RIPK1: variants seen among roughly 807,000 people sequenced by gnomAD.
The protein encoded by RIPK1 is receptor-interacting serine/threonine-protein kinase 1.
A neutral mutation model predicts 62.4 loss-of-function variants in RIPK1; 27 were observed. The ratio of observed to expected loss-of-function variants is 0.43; its 90% CI spans 0.32 to 0.60. The LOEUF is 0.60. Among genes scored for constraint, RIPK1 ranks in the 20% least tolerant of loss-of-function variants. The probability of loss-of-function intolerance (pLI) is 0.07; values close to 1 mark genes in which losing one functional copy is unlikely to be tolerated. For synonymous variants in RIPK1, 287 were observed against 303.2 expected (o/e 0.95, Z 0.55); for missense variants, 735 against 831.0 (o/e 0.88, Z 1.42).
intron 7 of RIPK1, among the ~76,000 whole-genome samples, chr6:3,099,635 A>G (rs957803695): frequency 6.6e-6 from 1 of 152,264 alleles, no homozygotes; most frequent in Non-Finnish European, 1.5e-5. Flanking sequence ...ATACTTCAGA[A>G]AAGATATTTG....
chr6:3,094,850 C>T (rs527369349), intron 7 of RIPK1, among the ~76,000 whole-genome samples: 1 of 151,838 alleles, frequency 6.6e-6, no homozygotes, highest in African/African-American at 2.4e-5. Flanking sequence ...TCGTTTGAGG[C>T]CAGGAGTTTG....
chr6:3,069,035 G>C (rs1758547179), intron 1 of RIPK1: 1 of 152,222 alleles, frequency 6.6e-6, no homozygotes, highest in Non-Finnish European at 1.5e-5. Flanking sequence ...CTGCTTATCC[G>C]GAGTCCGCTG....
chr6:3,090,652 TG>T (rs1447182442), intron 7 of RIPK1, among the ~76,000 whole-genome samples: 1 of 152,106 alleles, frequency 6.6e-6, no homozygotes, highest in East Asian at 1.9e-4. Flanking sequence ...TCTCTTCAAT[TG>T]ATAGAACGAG....
intron 3 of RIPK1, among the ~76,000 whole-genome samples, chr6:3,078,896 T>C (rs17548336): frequency 0.012 from 1,807 of 151,922 alleles, 35 homozygotes; most frequent in African/African-American, 0.04. Context: ...ATAAGTGGTA[T>C]GGTGTGATGG....
intron 1 of RIPK1, among the ~76,000 whole-genome samples, chr6:3,073,810 T>C (rs1487732480): frequency 6.6e-6 from 1 of 152,182 alleles, no homozygotes; most frequent in Non-Finnish European, 1.5e-5. Context: ...AAGGTATTTC[T>C]TTTTTCATTT....
chr6:3,068,501 G>A lies in RIPK1; in HGVS notation c.-221G>A, dbSNP rs549396288. 19 of 985,242 alleles carry A rather than the reference G, an allele frequency of 1.9e-5. No homozygotes were observed. The South Asian group carries it at 7.5e-4, about 39-fold the overall frequency. The allele number at this position is 985,242 out of a possible 1,614,324, so 61.0% of individuals were successfully genotyped here. A position where few individuals can be genotyped will look rare whatever the true frequency, so the allele number is the denominator to read the frequency against. On this transcript the variant is annotated 5_prime_UTR_variant, in exon 1 of 11. Coordinates refer to ENST00000259808, the MANE Select transcript of RIPK1 (RefSeq NM_001354930.2). ...GGAGGAGGCAGCGCGAACAGTCCAC[G>A]CCCTCCAGCCGGGCGCGCTCGACGC... is the stretch of plus-strand genomic sequence containing the variant.
Position 3,068,521 on chromosome 6 carries a change from C to A in RIPK1, c.-201C>A. ...TCCACGCCCTCCAGCCGGGCGCGCT[C>A]GACGCGGACGGCGGGCCAGCTGCCG... is the stretch of plus-strand genomic sequence containing the variant. On this transcript the variant is annotated 5_prime_UTR_variant, in exon 1 of 11. Transcript: ENST00000259808. 1 of 985,244 alleles carries A rather than the reference C, an allele frequency of 1.0e-6. No homozygotes were observed. Among genetic ancestry groups the A allele is most frequent in the Non-Finnish European group, 1.2e-6 (1 of 829,834 alleles). The allele number at this position is 985,244 out of a possible 1,614,324, so 61.0% of individuals were successfully genotyped here. A position where few individuals can be genotyped will look rare whatever the true frequency, so the allele number is the denominator to read the frequency against.
chr6:3,089,724 A>C, intron 7 of RIPK1, 67 bp downstream of exon 7: 1 of 884,846 alleles, frequency 1.1e-6, no homozygotes, highest in East Asian at 2.4e-5. Flanking sequence ...CATGAAAACC[A>C]AAACAAAGTG....
intron 1 of RIPK1, among the ~76,000 whole-genome samples, chr6:3,071,786 A>C (rs1758724885): frequency 6.6e-6 from 1 of 152,236 alleles, no homozygotes; most frequent in Non-Finnish European, 1.5e-5. Context: ...CAGTGGACCC[A>C]ACTAGAGGCC....
rs892030814 is a variant in RIPK1, at chr6:3,114,869, T to C, written c.*1530T>C. On this transcript the variant is annotated 3_prime_UTR_variant, in exon 11 of 11. Coordinates refer to ENST00000259808, the MANE Select transcript of RIPK1 (RefSeq NM_001354930.2). The surrounding 1 kb of genome is among the most constrained non-coding windows in gnomAD (Gnocchi z 5.0). Reference sequence around the variant, plus strand: ...ACAATAGTCTCTAAACATTGTCAAATGGTCCAAGGAAAGGGGAAAATTGCC... The same window carrying C: ...ACAATAGTCTCTAAACATTGTCAAACGGTCCAAGGAAAGGGGAAAATTGCC... 8 of 147,298 alleles carry C rather than the reference T, an allele frequency of 5.4e-5. No homozygotes were observed. Among genetic ancestry groups the C allele is most frequent in the African/African-American group, 5.0e-5 (2 of 39,814 alleles). The allele number at this position is 147,298 out of a possible 1,614,324, so 9.1% of individuals were successfully genotyped here. A position where few individuals can be genotyped will look rare whatever the true frequency, so the allele number is the denominator to read the frequency against.
intron 7 of RIPK1, among the ~76,000 whole-genome samples, chr6:3,090,693 CAGAA>C (rs1389043852): frequency 3.9e-5 from 6 of 152,002 alleles, no homozygotes; most frequent in Admixed American, 2.6e-4. Context: ...ATATAGAAGA[CAGAA>C]AGAACATGAC....
chr6:3,111,512 T>C (rs74780300), intron 10 of RIPK1, among the ~76,000 whole-genome samples: 4 of 129,158 alleles, frequency 3.1e-5, no homozygotes, highest in Non-Finnish European at 6.6e-5. Context: ...GGATTGGCGC[T>C]TTTTTTTTTT....
Position 3,089,618 on chromosome 6 carries a change from A to AT in RIPK1, c.878dup (p.Leu293PhefsTer32). On this transcript the variant is annotated frameshift_variant, in exon 7 of 11. Coordinates refer to ENST00000259808, the MANE Select transcript of RIPK1 (RefSeq NM_001354930.2). LOFTEE classifies it high-confidence loss of function. ...AATTTAGGCCTTTTTATTTAAGTCA[A>AT]TTAGAAGAAAGTGTAGAAGAGGACG... 1 of 1,585,652 alleles carries AT rather than the reference A, an allele frequency of 6.3e-7. No individual in the cohort carries two copies. The highest frequency in any genetic ancestry group is 8.6e-7 in the Non-Finnish European group (1 of 1,157,198).
intron 1 of RIPK1, among the ~76,000 whole-genome samples, chr6:3,069,818 C>G (rs1055108500): frequency 3.3e-5 from 5 of 152,170 alleles, no homozygotes; most frequent in Non-Finnish European, 7.3e-5. Flanking sequence ...CGAGACCAGC[C>G]TGGCCAACAT....
chr6:3,083,271 G>C lies in RIPK1; in HGVS notation c.646G>C (p.Val216Leu). The C allele has an allele frequency of 6.2e-7, 1 of 1,613,724 alleles. No individual in the cohort carries two copies. The change falls in exon 5 of 11, where the codon GTA becomes CTA. Residue 216 changes from valine (V) to leucine (L), a missense_variant. Coordinates refer to ENST00000259808, the MANE Select transcript of RIPK1 (RefSeq NM_001354930.2). Reference protein sequence around the residue: ...TEKSDVYSFAVVLWAIFANKE... With the variant: ...TEKSDVYSFALVLWAIFANKE... ...GAAGTCGGATGTGTACAGCTTTGCT[G>C]TAGTACTCTGGGCGATATTTGCAAA...
At chr6:3,089,680 AAAATAT>A (rs768105979) in intron 7 of RIPK1, 23 bp downstream of exon 7, 1 of 1,273,100 alleles carries the variant, frequency 7.9e-7, no homozygotes, top group Admixed American at 2.0e-5. Context: ...GCAGATGCTC[AAAATAT>A]TAACATAGCA....
In RIPK1 at chr6:3,113,072, G is replaced by C; in HGVS notation, c.1749G>C (p.Thr583=). 4 of 1,568,110 alleles carry C rather than the reference G, an allele frequency of 2.6e-6. No homozygotes were observed. Among genetic ancestry groups the C allele is most frequent in the East Asian group, 2.3e-5 (1 of 44,330 alleles). The change falls in exon 11 of 11, where the codon ACG becomes ACC. Residue 583 remains threonine (T), a synonymous_variant. Transcript: ENST00000259808. The surrounding 1 kb of genome is among the most constrained non-coding windows in gnomAD (Gnocchi z 5.0). The part of the protein sequence containing the change: ...QAIFDNTTSL[T]DKHLDPIREN... The stretch of plus-strand genomic sequence containing the variant: ...TGGCAGATAATACCACTAGTCTGAC[G>C]GATAAACACCTGGACCCAATCAGGG...
rs1199124470 is a variant in RIPK1, at chr6:3,072,274, CAT to C, written c.-61+3615_-61+3616del. Among the ~76,000 whole-genome samples, 1 of 151,990 alleles carries C rather than the reference CAT, an allele frequency of 6.6e-6. No individual in the cohort carries two copies. The highest frequency in any genetic ancestry group is 1.9e-4 in the East Asian group (1 of 5,198). On this transcript the variant is annotated intron_variant, in intron 1 of 10. Transcript: ENST00000259808. This position sits in a 1 kb window ranked among gnomAD's most constrained non-coding sequence, Gnocchi z 5.6. ...TGTCTATTGTGGAAAATTTGGAAAA[CAT>C]AGTAAAAGTGTAAAGAAGAAAGTAA...
At chr6:3,108,495 T>C (rs1005447865) in intron 9 of RIPK1, among the ~76,000 whole-genome samples, 2 of 152,126 alleles carry the variant, frequency 1.3e-5, no homozygotes, top group Non-Finnish European at 2.9e-5. Context: ...TAAACCTCCA[T>C]GTAAGCCCGC....
Sources: gnomAD v4.1 joint callset for allele counts (sites outside exome capture counted in the v4.1 genomes callset) on GRCh38, gnomAD v4.1.1 for gene constraint, Gnocchi (gnomAD v3.1) non-coding constraint, MANE v1.5 for transcripts, NCBI Gene and HGNC (gene_info 2026-07-23, HGNC 2026-07-21) for gene names.